The following SAMD4A variants were observed in gnomAD, a reference collection of about 807,000 sequenced individuals.
SAMD4A encodes sterile alpha motif domain containing 4A, also known as protein Smaug homolog 1.
Under a neutral mutation model 81.3 loss-of-function variants are expected in SAMD4A, and 33 were observed. The observed-to-expected ratio is 0.41, with a 90% CI of 0.31 to 0.54. SAMD4A has a LOEUF of 0.54. SAMD4A is among the 20% of genes least tolerant of loss of function. SAMD4A has a pLI of 0.37. For missense variants in SAMD4A, 854 were observed against 951.1 expected (o/e 0.90, Z 1.34); for synonymous variants, 389 against 382.1 (o/e 1.02, Z -0.21).
intron 11 of SAMD4A, among the ~76,000 whole-genome samples, chr14:54,783,114 C>T (rs917571090): frequency 1.3e-5 from 2 of 151,140 alleles, no homozygotes; most frequent in East Asian, 1.9e-4. Flanking sequence ...TGCCTCTCCC[C>T]TTAGGATTTT....
intron 8 of SAMD4A, among the ~76,000 whole-genome samples, chr14:54,765,980 G>A (rs1332931879): frequency 1.3e-5 from 2 of 152,254 alleles, no homozygotes; most frequent in East Asian, 3.9e-4. Flanking sequence ...AAAGTTGTCA[G>A]TGTGACTACA....
Position 54,567,507 on chromosome 14 carries a change from G to A in SAMD4A, c.-410G>A. 4.9e-6 allele frequency: 1 copy of A among 205,086 alleles called. No homozygotes were observed. Among genetic ancestry groups the A allele is most frequent in the Non-Finnish European group, 9.8e-6 (1 of 101,884 alleles). The allele number at this position is 205,086 out of a possible 1,614,324, so 12.7% of individuals were successfully genotyped here. On this transcript the variant is annotated 5_prime_UTR_variant, in exon 2 of 13. Transcript: ENST00000554335. ...TTCTCTCCTTCCAGTGGTGATCGCC[G>A]CTCGGGAATGCGGGCGTGAAGGGTC...
intron 8 of SAMD4A, among the ~76,000 whole-genome samples, chr14:54,766,449 G>A (rs2038546157): frequency 6.6e-6 from 1 of 152,202 alleles, no homozygotes; most frequent in Admixed American, 6.5e-5. Context: ...TCATCCCTGA[G>A]TGCCCTGGAG....
intron 3 of SAMD4A, among the ~76,000 whole-genome samples, chr14:54,726,756 G>T (rs1434125001): frequency 6.6e-6 from 1 of 152,072 alleles, no homozygotes; most frequent in East Asian, 1.9e-4. Flanking sequence ...ATGGGACCTG[G>T]GCATCGGGGT....
intron 6 of SAMD4A, chr14:54,755,003 A>G: frequency 3.9e-6 from 1 of 253,984 alleles, no homozygotes; most frequent in Non-Finnish European, 6.3e-6. Flanking sequence ...TGTCATCACC[A>G]TAGCAGGTGG....
At chr14:54,658,797 G>A (rs1045952030) in intron 2 of SAMD4A, among the ~76,000 whole-genome samples, 7 of 152,092 alleles carry the variant, frequency 4.6e-5, no homozygotes, top group African/African-American at 1.7e-4. Context: ...CCATCCTAAC[G>A]TCCTTACTCT....
At position 54,570,096 on chromosome 14, in the gene SAMD4A, G is replaced by GT. The variant is rs2033085892; in HGVS notation, c.196+1985dup. Among the ~76,000 whole-genome samples, 4 of 152,166 alleles carry GT rather than the reference G, an allele frequency of 2.6e-5. No homozygotes were observed. The South Asian group carries it at 6.2e-4, about 24-fold the overall frequency. Reference sequence around the variant, plus strand: ...GATATACAAAATATAGAACCATTGTGTAAGATAGGAACTGGTCTCCAGTTT... The same window carrying GT: ...GATATACAAAATATAGAACCATTGTGTTAAGATAGGAACTGGTCTCCAGTTT... On this transcript the variant is annotated intron_variant, in intron 2 of 12. Coordinates refer to ENST00000554335, the MANE Select transcript of SAMD4A (RefSeq NM_015589.6).
At position 54,764,511 on chromosome 14, in the gene SAMD4A, C is replaced by T; in HGVS notation, c.1567C>T (p.Gln523Ter). The T allele has an allele frequency of 6.2e-7, 1 of 1,612,398 alleles. No homozygotes were observed. The highest frequency in any genetic ancestry group is 8.5e-7 in the Non-Finnish European group (1 of 1,178,764). Residue 523 changes from glutamine (Q) to a stop codon, truncating the protein, a stop_gained, in exon 8 of 13, where the codon CAG (glutamine) becomes TAG (stop). Coordinates refer to ENST00000554335, the MANE Select transcript of SAMD4A (RefSeq NM_015589.6). LOFTEE classifies it high-confidence loss of function. The part of the protein sequence containing the change: ...PDEENISSYL[Q>*]LIDKCLIHEA... ...TGAGGAAAATATAAGTTCCTATTTA[C>T]AGCTCATAGACAAGTGTCTAATTCA...
At chr14:54,575,997 CTTTCTTTTTTTTTTTTTTTTT>C (rs1248696919) in intron 2 of SAMD4A, among the ~76,000 whole-genome samples, 11 of 67,612 alleles carry the variant, frequency 1.6e-4, no homozygotes, top group African/African-American at 4.5e-4. Context: ...TTCTTTCTTT[CTTTCTTTTTTTTTTTTTTTTT>C]TTTTTTTTTT....
At chr14:54,777,663 G>C (rs2038891874) in intron 11 of SAMD4A, among the ~76,000 whole-genome samples, 2 of 152,030 alleles carry the variant, frequency 1.3e-5, no homozygotes, top group African/African-American at 4.8e-5. Context: ...GGAGGGTGCA[G>C]GATGATGGGG....
At chr14:54,693,553 G>A (rs143208370) in intron 2 of SAMD4A, 1 of 152,302 alleles carries the variant, frequency 6.6e-6, no homozygotes, top group East Asian at 1.9e-4. Context: ...TGTGGTAGTA[G>A]ATGGCTGTAG....
intron 3 of SAMD4A, among the ~76,000 whole-genome samples, chr14:54,713,132 G>A (rs1327674617): frequency 6.6e-6 from 1 of 151,974 alleles, no homozygotes; most frequent in Non-Finnish European, 1.5e-5. Context: ...GATTTCCCGA[G>A]TAAACTCAGG....
chr14:54,723,912 A>G (rs1181550442), intron 3 of SAMD4A, among the ~76,000 whole-genome samples: 1 of 152,048 alleles, frequency 6.6e-6, no homozygotes, highest in Non-Finnish European at 1.5e-5. Flanking sequence ...CTTCCCATAC[A>G]TCATTTTAGT....
chr14:54,700,792 G>A (rs867680925), intron 2 of SAMD4A, among the ~76,000 whole-genome samples: 32 of 152,186 alleles, frequency 2.1e-4, no homozygotes, highest in Admixed American at 2.6e-4. Context: ...GGATCCTTCT[G>A]AGTGTGTTAA....
chr14:54,568,694 T>C (rs2033030533), intron 2 of SAMD4A, among the ~76,000 whole-genome samples: 1 of 548 alleles, frequency 1.8e-3, no homozygotes, highest in Non-Finnish European at 3.5e-3. Context: ...TTGCAGCATA[T>C]ATATATATAT....
intron 2 of SAMD4A, among the ~76,000 whole-genome samples, chr14:54,595,310 CACAT>C: frequency 6.6e-6 from 1 of 151,902 alleles, no homozygotes; most frequent in Non-Finnish European, 1.5e-5. Context: ...AGTATACAAT[CACAT>C]ACATGTTGAA....
In SAMD4A at chr14:54,684,260, C is replaced by A. The variant is rs887169924; in HGVS notation, c.197-17802C>A. Among the ~76,000 whole-genome samples the A allele has an allele frequency of 2.0e-5, 3 of 152,332 alleles. No homozygotes were observed. The South Asian group carries it at 6.2e-4, about 32-fold the overall frequency. On this transcript the variant is annotated intron_variant, in intron 2 of 12. Coordinates refer to ENST00000554335, the MANE Select transcript of SAMD4A (RefSeq NM_015589.6). ...ACCGAGTTAGTGACACCTCTAACAG[C>A]ACCCCCAAATCGCTGGGCCACTTCC...
chr14:54,670,902 A>T (rs1318343019), intron 2 of SAMD4A, among the ~76,000 whole-genome samples: 2 of 152,234 alleles, frequency 1.3e-5, no homozygotes, highest in African/African-American at 2.4e-5. Flanking sequence ...CATAGAGATG[A>T]ACACAAAGAA....
At chr14:54,667,469 G>C (rs980010553) in intron 2 of SAMD4A, among the ~76,000 whole-genome samples, 3 of 152,162 alleles carry the variant, frequency 2.0e-5, no homozygotes, top group African/African-American at 7.2e-5. Flanking sequence ...GCTCTGTCCT[G>C]TGTCTGTGCC....
Sources: gnomAD v4.1 joint callset for allele counts (sites outside exome capture counted in the v4.1 genomes callset) on GRCh38, gnomAD v4.1.1 for gene constraint, MANE v1.5 for transcripts, NCBI Gene and HGNC (gene_info 2026-07-23, HGNC 2026-07-21) for gene names.